Variants in HDGFL2 observed in about 807,000 individuals in gnomAD.
HDGFL2 encodes HDGF like 2.
In HDGFL2, 36 loss-of-function variants were observed where a neutral mutation model predicts 77.1. That is an observed-to-expected ratio of 0.47 (90% CI 0.36 to 0.62). HDGFL2 has a LOEUF of 0.62. HDGFL2 is among the 20% of genes least tolerant of loss of function. HDGFL2 has a pLI of 0.00. For missense variants in HDGFL2, 976 were observed against 973.4 expected, an observed-to-expected ratio of 1.00 and a Z score of -0.04; for synonymous variants, 463 against 413.1, an observed-to-expected ratio of 1.12 and a Z score of -1.46.
At chr19:4,492,217 A>C (rs1975533863) in intron 6 of HDGFL2, among the ~76,000 whole-genome samples, 1 of 151,932 alleles carries the variant, frequency 6.6e-6, no homozygotes, top group Non-Finnish European at 1.5e-5. Flanking sequence ...ACGTGTGTCG[A>C]CGTGCATGTG....
chr19:4,499,571 C>T lies in HDGFL2; in HGVS notation c.1656C>T (p.Gly552=), dbSNP rs189283999. ...CCCGGCTCAAGTCGCGGGTCCTCGG[C>T]CCAAAGATCGAGGCGGTGCAGAAAG... The part of the protein sequence containing the change: ...VYTRLKSRVL[G]PKIEAVQKVN... The change falls in exon 14 of 16, where the codon GGC becomes GGT. Residue 552 remains glycine (G), a synonymous_variant. Transcript: ENST00000616600. 234 of 1,613,334 alleles carry T rather than the reference C, an allele frequency of 1.5e-4. No individual in the cohort carries two copies. The East Asian group carries it at 5.2e-3, about 36-fold the overall frequency.
At position 4,475,362 on chromosome 19, in the gene HDGFL2, C is replaced by T; in HGVS notation, c.149+11C>T. The T allele has an allele frequency of 2.5e-6, 4 of 1,614,104 alleles. No homozygotes were observed. In the South Asian group the frequency reaches 4.4e-5, roughly 18 times the overall value. On this transcript the variant is annotated intron_variant, in intron 2 of 15. Coordinates refer to ENST00000616600, the MANE Select transcript of HDGFL2 (RefSeq NM_001001520.3). The stretch of plus-strand genomic sequence containing the variant: ...TGGCACACACGAAACGTAAGTGTCC[C>T]CTTCTGGGGCTTGGTTTTCTCCTCT...
intron 13 of HDGFL2, 122 bp from the exon 14 acceptor site, chr19:4,499,369 C>T: frequency 1.3e-6 from 1 of 763,914 alleles, no homozygotes; most frequent in Non-Finnish European, 2.1e-6. Context: ...GAAATGCCTG[C>T]TGCACAGAGC....
At chr19:4,487,943 T>TAA (rs71340907) in intron 3 of HDGFL2, among the ~76,000 whole-genome samples, 9 of 142,756 alleles carry the variant, frequency 6.3e-5, no homozygotes, top group African/African-American at 2.3e-4. Flanking sequence ...TTGAATGACT[T>TAA]AAAAAAAAAA....
chr19:4,476,490 G>A (rs1007923755), intron 3 of HDGFL2, among the ~76,000 whole-genome samples: 1 of 151,842 alleles, frequency 6.6e-6, no homozygotes, highest in Middle Eastern at 3.2e-3. Context: ...ACTGCGCTTG[G>A]CCAGCCCGAA....
At chr19:4,490,643 T>C (rs1975482214) in intron 4 of HDGFL2, among the ~76,000 whole-genome samples, 1 of 152,244 alleles carries the variant, frequency 6.6e-6, no homozygotes, top group Non-Finnish European at 1.5e-5. Context: ...GCAAATTCTT[T>C]TGATAGAGTC....
At position 4,493,783 on chromosome 19, in the gene HDGFL2, G is replaced by A. The variant is rs1975616116; in HGVS notation, c.759G>A (p.Ser253=). The A allele has an allele frequency of 6.5e-7, 1 of 1,544,026 alleles. No individual in the cohort carries two copies. Among genetic ancestry groups the A allele is most frequent in the Non-Finnish European group, 8.8e-7 (1 of 1,141,840 alleles). ...AKPEPVAMAR[S]ASSSSSSSSS... Reference sequence around the variant, plus strand: ...CTGAGCCGGTGGCCATGGCGCGGTCGGCGTCCTCCTCCTCCTCTTCCTCCT... The same window carrying A: ...CTGAGCCGGTGGCCATGGCGCGGTCAGCGTCCTCCTCCTCCTCTTCCTCCT... Residue 253 remains serine, a synonymous_variant, in exon 7 of 16, where the codon TCG becomes TCA. Coordinates refer to ENST00000616600, the MANE Select transcript of HDGFL2 (RefSeq NM_001001520.3).
At chr19:4,493,074 GGTGTGTGTGTGTTATC>G (rs1975579020) in intron 6 of HDGFL2, among the ~76,000 whole-genome samples, 1 of 63,066 alleles carries the variant, frequency 1.6e-5, no homozygotes, top group Admixed American at 1.9e-4. Flanking sequence ...GTCTGTGTGT[GGTGTGTGTGTGTTATC>G]TGTGTGGTGT....
At chr19:4,489,153 C>A (rs1568210815) in intron 4 of HDGFL2, among the ~76,000 whole-genome samples, 1 of 151,842 alleles carries the variant, frequency 6.6e-6, no homozygotes, top group Non-Finnish European at 1.5e-5. Flanking sequence ...GGGGATTCAC[C>A]AGGTCCCCAA....
At chr19:4,484,025 G>A (rs559609948) in intron 3 of HDGFL2, among the ~76,000 whole-genome samples, 38 of 150,712 alleles carry the variant, frequency 2.5e-4, no homozygotes, top group South Asian at 1.1e-3. Context: ...TCCTGACCTC[G>A]TGATCTGCCT....
intron 14 of HDGFL2, among the ~76,000 whole-genome samples, chr19:4,500,433 A>G (rs1477730602): frequency 7.0e-6 from 1 of 143,250 alleles, no homozygotes; most frequent in East Asian, 2.0e-4. Flanking sequence ...TTGTAGGCCT[A>G]CACCACTATG....
intron 4 of HDGFL2, among the ~76,000 whole-genome samples, chr19:4,491,306 C>T (rs998834147): frequency 7.0e-6 from 1 of 142,206 alleles, no homozygotes; most frequent in Non-Finnish European, 1.5e-5. Flanking sequence ...TGGTGCCCCT[C>T]ATCCTACTTT....
chr19:4,481,442 G>A (rs890852011), intron 3 of HDGFL2, among the ~76,000 whole-genome samples: 5 of 151,680 alleles, frequency 3.3e-5, no homozygotes, highest in Non-Finnish European at 5.9e-5. Context: ...CGCCCGCCTC[G>A]GCCTCTCAAA....
At chr19:4,483,948 C>G (rs1975290445) in intron 3 of HDGFL2, among the ~76,000 whole-genome samples, 1 of 151,886 alleles carries the variant, frequency 6.6e-6, no homozygotes. Flanking sequence ...TGCCACCACG[C>G]CCAGCTAATT....
Position 4,475,634 on chromosome 19 carries a change from A to G in HDGFL2, c.288+51A>G. The G allele has an allele frequency of 1.3e-6, 2 of 1,524,740 alleles. 1 individual carries two copies. Among genetic ancestry groups the G allele is most frequent in the South Asian group, 2.7e-5 (2 of 75,092 alleles). 94.5% of individuals were successfully genotyped at this position (1,524,740 alleles called of 1,614,324 possible). ...TGTGAAGCGCGCTACTGATGCAAGA[A>G]GGGGCCTCCAGTTAGGGTCTCTCCC... On this transcript the variant is annotated intron_variant, in intron 3 of 15. Coordinates refer to ENST00000616600, the MANE Select transcript of HDGFL2 (RefSeq NM_001001520.3).
At chr19:4,492,078 G>T (rs900878897) in intron 6 of HDGFL2, among the ~76,000 whole-genome samples, 1 of 152,228 alleles carries the variant, frequency 6.6e-6, no homozygotes, top group African/African-American at 2.4e-5. Flanking sequence ...GAGGGAAGCA[G>T]TCCTGACGCG....
chr19:4,496,409 A>G lies in HDGFL2; in HGVS notation c.1328+4A>G. The G allele has an allele frequency of 6.2e-7, 1 of 1,612,012 alleles. No homozygotes were observed. ...CCGAGGAGAAGCAACAAGCCAAGTG[A>G]GCCCTGCTCTGCCCCTCCACACCCT... On this transcript the variant is annotated splice_donor_region_variant and intron_variant, in intron 10 of 15. Transcript: ENST00000616600.
At chr19:4,492,990 G>T (rs949797453) in intron 6 of HDGFL2, among the ~76,000 whole-genome samples, 1 of 135,380 alleles carries the variant, frequency 7.4e-6, no homozygotes, top group African/African-American at 2.9e-5. Flanking sequence ...TCTGTGTGTA[G>T]TGTGTGTGTG....
At chr19:4,491,365 CTT>C (rs1400770059) in intron 4 of HDGFL2, among the ~76,000 whole-genome samples, 199 bp from the exon 5 acceptor site, 1 of 150,092 alleles carries the variant, frequency 6.7e-6, no homozygotes, top group Admixed American at 6.7e-5. Context: ...AAGAGTTTGT[CTT>C]TTTGTGACTG....
Sources: allele counts gnomAD v4.1 joint callset (sites outside exome capture counted in the v4.1 genomes callset), GRCh38; gene constraint gnomAD v4.1.1; transcripts MANE v1.5; gene names NCBI Gene and HGNC (gene_info 2026-07-23, HGNC 2026-07-21).